The following IGSF11 variants were observed in gnomAD, a reference collection of about 807,000 sequenced individuals.
IGSF11 encodes the protein immunoglobulin superfamily member 11.
Under a neutral mutation model 41.0 loss-of-function variants are expected in IGSF11, and 22 were observed. The ratio of observed to expected loss-of-function variants is 0.54; its 90% CI spans 0.38 to 0.77. The LOEUF (loss-of-function observed/expected upper bound fraction) is 0.77. Among genes scored for constraint, IGSF11 ranks in the 30% least tolerant of loss-of-function variants. IGSF11 has a pLI of 0.00. For missense variants in IGSF11, 444 were observed against 530.8 expected, an observed-to-expected ratio of 0.84 and a Z score of 1.61; for synonymous variants, 219 against 201.3, an observed-to-expected ratio of 1.09 and a Z score of -0.74.
At chr3:119,133,934 C>A (rs949080156) in intron 1 of IGSF11, among the ~76,000 whole-genome samples, 1 of 152,142 alleles carries the variant, frequency 6.6e-6, no homozygotes, top group East Asian at 1.9e-4. Flanking sequence ...AATCAATAAA[C>A]GTAATCCATC....
At chr3:119,126,609 C>G (rs1027711365) in intron 1 of IGSF11, among the ~76,000 whole-genome samples, 1 of 152,166 alleles carries the variant, frequency 6.6e-6, no homozygotes, top group African/African-American at 2.4e-5. Flanking sequence ...TATATAGGAA[C>G]GATCCTACTG....
intron 1 of IGSF11, among the ~76,000 whole-genome samples, chr3:119,098,931 CA>C (rs35484496): frequency 0.03 from 4,621 of 152,258 alleles, 218 homozygotes; most frequent in African/African-American, 0.11. Flanking sequence ...AAAAAAGTTT[CA>C]AAACTTGCAT....
intron 1 of IGSF11, among the ~76,000 whole-genome samples, chr3:119,142,555 GA>G (rs2077664066): frequency 1.3e-5 from 2 of 151,882 alleles, no homozygotes; most frequent in Non-Finnish European, 2.9e-5. Flanking sequence ...TCAGCCTGAA[GA>G]AAAGGAAGAA....
At chr3:119,031,164 G>A (rs1348506864) in intron 1 of IGSF11, among the ~76,000 whole-genome samples, 1 of 152,144 alleles carries the variant, frequency 6.6e-6, no homozygotes, top group Non-Finnish European at 1.5e-5. Context: ...GGCTGAGGCA[G>A]GAGAACTGCT....
At chr3:119,044,859 G>C (rs2107751368) in intron 1 of IGSF11, among the ~76,000 whole-genome samples, 1 of 152,300 alleles carries the variant, frequency 6.6e-6, no homozygotes, top group Non-Finnish European at 1.5e-5. Flanking sequence ...AATGCTGACA[G>C]AATTCACCAC....
At chr3:119,028,781 G>T (rs1940075617) in intron 1 of IGSF11, among the ~76,000 whole-genome samples, 2 of 151,892 alleles carry the variant, frequency 1.3e-5, no homozygotes, top group Non-Finnish European at 2.9e-5. Flanking sequence ...AGTTGAAGCT[G>T]ACATAGTCAC....
intron 1 of IGSF11, chr3:118,947,947 G>C (rs1328039241): frequency 1.3e-5 from 2 of 152,148 alleles, no homozygotes; most frequent in African/African-American, 4.8e-5. Flanking sequence ...CTATTACTAT[G>C]CAGTATACTT....
intron 1 of IGSF11, among the ~76,000 whole-genome samples, chr3:119,084,729 T>A (rs2076642490): frequency 6.6e-6 from 1 of 152,254 alleles, no homozygotes; most frequent in Non-Finnish European, 1.5e-5. Context: ...AACCTGGGTC[T>A]CTTGCTTCAT....
intron 1 of IGSF11, among the ~76,000 whole-genome samples, chr3:119,083,126 C>CT (rs79620142): frequency 0.22 from 28,255 of 128,738 alleles, 4,647 homozygotes; most frequent in African/African-American, 0.43. Flanking sequence ...TTTCTTTTTT[C>CT]TTTTTTTTTT....
chr3:119,141,338 C>T (rs942188380), intron 1 of IGSF11, among the ~76,000 whole-genome samples: 6 of 150,936 alleles, frequency 4.0e-5, no homozygotes, highest in East Asian at 1.9e-4. Context: ...AAATCAATAG[C>T]CTAATTTTCC....
At chr3:119,083,578 T>A (rs913070487) in intron 1 of IGSF11, among the ~76,000 whole-genome samples, 2 of 151,618 alleles carry the variant, frequency 1.3e-5, no homozygotes, top group Non-Finnish European at 2.9e-5. Flanking sequence ...CACATAATGA[T>A]GTTTCAGATA....
intron 4 of IGSF11, among the ~76,000 whole-genome samples, chr3:118,924,509 T>C (rs566123510): frequency 6.6e-6 from 1 of 152,140 alleles, no homozygotes; most frequent in Non-Finnish European, 1.5e-5. Flanking sequence ...GATATGGTTA[T>C]CCAAAGTAAC....
rs551889968 is a variant in IGSF11 at position 118,989,445 on chromosome 3, C to T, written c.52+45086G>A. On this transcript the variant is annotated intron_variant, in intron 1 of 6. Coordinates refer to ENST00000393775, the MANE Select transcript of IGSF11 (RefSeq NM_001015887.3). ...TCAGCTCACTGCAACCTCCGCCTCGCGGGTTCACGCCATTCTCCTGCCTCA... is the reference window on the plus strand; with the variant it reads ...TCAGCTCACTGCAACCTCCGCCTCGTGGGTTCACGCCATTCTCCTGCCTCA... Among the ~76,000 whole-genome samples the T allele has an allele frequency of 1.7e-3, 263 of 152,158 alleles. 2 individuals are homozygous for T. The highest frequency in any genetic ancestry group is 3.3e-3 in the Non-Finnish European group (226 of 68,000).
In IGSF11 at chr3:119,034,559, C is replaced by T; in HGVS notation, c.24G>A (p.Leu8=). MTSQRSP[L]APLLLLSLHG... ...GCAGAGAGAGGAGCAGCAAAGGCGC[C>T]AGAGGGGAACGCTGAGAAGTCATCC... The change falls in exon 1 of 7, where the codon CTG becomes CTA. Residue 8 remains leucine, a synonymous_variant. Coordinates refer to ENST00000393775, the MANE Select transcript of IGSF11 (RefSeq NM_001015887.3). 6 of 1,593,242 alleles carry T rather than the reference C, an allele frequency of 3.8e-6. No homozygotes were observed. Among genetic ancestry groups the T allele is most frequent in the Non-Finnish European group, 4.3e-6 (5 of 1,170,862 alleles).
At chr3:119,094,996 A>G (rs1050909001) in intron 1 of IGSF11, among the ~76,000 whole-genome samples, 1 of 152,098 alleles carries the variant, frequency 6.6e-6, no homozygotes, top group African/African-American at 2.4e-5. Flanking sequence ...TTAACACCAC[A>G]TAAAGGAAGG....
upstream of IGSF11, among the ~76,000 whole-genome samples, chr3:119,108,841 G>C (rs1014634859): frequency 2.8e-5 from 4 of 143,496 alleles, 1 homozygote; most frequent in African/African-American, 7.4e-5. Context: ...CATCTATTGA[G>C]ATACTCATGT....
intron 4 of IGSF11, among the ~76,000 whole-genome samples, chr3:118,914,924 GCCT>G (rs1283032060): frequency 7.2e-6 from 1 of 139,770 alleles, no homozygotes; most frequent in Non-Finnish European, 1.5e-5. Context: ...CGGGCAGACT[GCCT>G]CCTCAAGTGG....
At chr3:119,120,233 C>T (rs1207240765) in intron 1 of IGSF11, among the ~76,000 whole-genome samples, 1 of 152,172 alleles carries the variant, frequency 6.6e-6, no homozygotes, top group Non-Finnish European at 1.5e-5. Flanking sequence ...TTATACTAAT[C>T]CAAGAGTGAT....
At chr3:118,920,999 C>A (rs1008722352) in intron 4 of IGSF11, among the ~76,000 whole-genome samples, 2 of 152,130 alleles carry the variant, frequency 1.3e-5, no homozygotes, top group Non-Finnish European at 2.9e-5. Context: ...ATTCCCTCTA[C>A]CTGGAATGCT....
Sources: gnomAD v4.1 joint callset for allele counts (sites outside exome capture counted in the v4.1 genomes callset) on GRCh38, gnomAD v4.1.1 for gene constraint, MANE v1.5 for transcripts, NCBI Gene and HGNC (gene_info 2026-07-23, HGNC 2026-07-21) for gene names.